Variants in PTPRN2 observed in about 807,000 individuals in gnomAD.
PTPRN2 encodes the protein receptor-type tyrosine-protein phosphatase N2.
PTPRN2 carries 74 observed loss-of-function variants against 118.8 expected under a neutral mutation model. The ratio of observed to expected loss-of-function variants is 0.62; its 90% confidence interval spans 0.52 to 0.76. The LOEUF (loss-of-function observed/expected upper bound fraction) is 0.76, where lower values mean the gene tolerates loss of function less well. PTPRN2 is among the 30% of genes least tolerant of loss of function. PTPRN2 has a pLI of 0.00. For synonymous variants in PTPRN2, 641 were observed against 608.0 expected (o/e 1.05, Z -0.80); for missense variants, 1,481 against 1,394.4 (o/e 1.06, Z -0.99).
rs1799207292 is a variant in PTPRN2, at chr7:157,929,033, C to T, written c.1724-30296G>A. Among the ~76,000 whole-genome samples, 1 of 152,126 alleles carries T rather than the reference C, an allele frequency of 6.6e-6. No individual in the cohort carries two copies. Among genetic ancestry groups the T allele is most frequent in the African/African-American group, 2.4e-5 (1 of 41,412 alleles). The stretch of plus-strand genomic sequence containing the variant: ...CATGGAGATGGTTTAACCTCACATG[C>T]CCACTTTAGAGGCAGGAGAGTGGGG... On this transcript the variant is annotated intron_variant, in intron 11 of 22. Coordinates refer to ENST00000389418, the MANE Select transcript of PTPRN2 (RefSeq NM_002847.5). This position sits in a 1 kb window ranked among gnomAD's most constrained non-coding sequence, Gnocchi z 4.4.
At chr7:157,999,632 C>T (rs1307184847) in intron 11 of PTPRN2, among the ~76,000 whole-genome samples, 2 of 152,062 alleles carry the variant, frequency 1.3e-5, no homozygotes, top group African/African-American at 4.8e-5. Context: ...CTCGTCCACA[C>T]GACGAGACCA....
chr7:157,801,454 C>G lies in PTPRN2; in HGVS notation c.1788+97219G>C, dbSNP rs963502280. Among the ~76,000 whole-genome samples, 1 of 152,030 alleles carries G rather than the reference C, an allele frequency of 6.6e-6. No individual in the cohort carries two copies. The highest frequency in any genetic ancestry group is 6.6e-5 in the Admixed American group (1 of 15,252). ...CAGGTGCGGGGGATATTATCCTCCC[C>G]GTGAGAGCAGCTGCATGGATTTTTT... On this transcript the variant is annotated intron_variant, in intron 12 of 22. Coordinates refer to ENST00000389418, the MANE Select transcript of PTPRN2 (RefSeq NM_002847.5). The surrounding 1 kb of genome is among the most constrained non-coding windows in gnomAD (Gnocchi z 4.2).
At chr7:158,128,790 C>A (rs1817909059) in intron 9 of PTPRN2, among the ~76,000 whole-genome samples, 1 of 152,140 alleles carries the variant, frequency 6.6e-6, no homozygotes, top group Admixed American at 6.5e-5. Flanking sequence ...GGGGCACTCT[C>A]CTACCCCGGG....
intron 2 of PTPRN2, among the ~76,000 whole-genome samples, chr7:158,442,034 A>G (rs1421325710): frequency 1.7e-5 from 2 of 120,638 alleles, no homozygotes; most frequent in African/African-American, 3.2e-5. Flanking sequence ...GGTGATAGTG[A>G]TGGTGGTGAC....
chr7:158,213,523 A>T (rs1272174216), intron 3 of PTPRN2, among the ~76,000 whole-genome samples: 1 of 152,156 alleles, frequency 6.6e-6, no homozygotes, highest in Non-Finnish European at 1.5e-5. Flanking sequence ...GGAATATATC[A>T]CTTAGAGTAT....
intron 15 of PTPRN2, among the ~76,000 whole-genome samples, chr7:157,606,711 G>A (rs1256451842): frequency 6.6e-6 from 1 of 152,264 alleles, no homozygotes; most frequent in Non-Finnish European, 1.5e-5. Flanking sequence ...ATGGAGCAGT[G>A]TGGTGGTGGT....
intron 12 of PTPRN2, among the ~76,000 whole-genome samples, chr7:157,895,793 A>G (rs1401820988): frequency 2.6e-5 from 4 of 152,008 alleles, no homozygotes; most frequent in Non-Finnish European, 4.4e-5. Context: ...CGTGATGGGA[A>G]TGAGAGTGAA....
chr7:158,487,483 G>GT (rs1476444732), intron 2 of PTPRN2, among the ~76,000 whole-genome samples: 1 of 152,108 alleles, frequency 6.6e-6, no homozygotes, highest in African/African-American at 2.4e-5. Flanking sequence ...GTGTGAGGTG[G>GT]TATGTTTATC....
rs556272936 is a variant in PTPRN2 at position 157,611,749 on chromosome 7, G to A, written c.2345-7674C>T. On this transcript the variant is annotated intron_variant, in intron 15 of 22. Coordinates refer to ENST00000389418, the MANE Select transcript of PTPRN2 (RefSeq NM_002847.5). This position sits in a 1 kb window ranked among gnomAD's most constrained non-coding sequence, Gnocchi z 5.9. ...TGCTGGGGACACGCGGAGGGAGCGC[G>A]CCCGTGTGAAGACGAAGACAGCCGC... 4.7e-5 allele frequency among the ~76,000 whole-genome samples: 7 copies of A among 149,434 alleles called. No individual in the cohort carries two copies. Among genetic ancestry groups the A allele is most frequent in the African/African-American group, 9.9e-5 (4 of 40,562 alleles).
In PTPRN2 at chr7:158,509,637, T is replaced by C. The variant is rs58953853; in HGVS notation, c.113-19852A>G. Among the ~76,000 whole-genome samples, 9,080 of 152,292 alleles carry C rather than the reference T, an allele frequency of 0.06. 887 individuals are homozygous for C. Among genetic ancestry groups the C allele is most frequent in the African/African-American group, 0.2 (8,377 of 41,544 alleles). ...TTTGTTCCGGGATCCCCCAGCCTCA[T>C]TTCCATCTCTGTCATGGGCTCTACT... On this transcript the variant is annotated intron_variant, in intron 1 of 22. Transcript: ENST00000389418. The surrounding 1 kb of genome is among the most constrained non-coding windows in gnomAD (Gnocchi z 4.4).
In PTPRN2 at chr7:157,539,056, T is replaced by C. The variant is rs1797894802; in HGVS notation, c.*1658A>G. The C allele has an allele frequency of 6.6e-6, 1 of 152,214 alleles. No individual in the cohort carries two copies. The highest frequency in any genetic ancestry group is 2.1e-4 in the South Asian group (1 of 4,828). The allele number at this position is 152,214 out of a possible 1,614,324, so 9.4% of individuals were successfully genotyped here. A position where few individuals can be genotyped will look rare whatever the true frequency, so the allele number is the denominator to read the frequency against. On this transcript the variant is annotated 3_prime_UTR_variant, in exon 23 of 23. Transcript: ENST00000389418. The stretch of plus-strand genomic sequence containing the variant: ...CCTCCCCAAATAAAGACCACCTGAA[T>C]GTGAAATCAGAAGTTTAATATGACA...
chr7:158,151,748 T>C (rs773383123), intron 6 of PTPRN2, among the ~76,000 whole-genome samples: 1 of 152,260 alleles, frequency 6.6e-6, no homozygotes, highest in Admixed American at 6.5e-5. Context: ...TTTCCTTCCT[T>C]CCTGCCACAA....
rs537442919 is a variant in PTPRN2, at chr7:157,784,736, C to T, written c.1789-101799G>A. Among the ~76,000 whole-genome samples the T allele has an allele frequency of 1.3e-5, 2 of 151,956 alleles. No homozygotes were observed. The highest frequency in any genetic ancestry group is 2.4e-5 in the African/African-American group (1 of 41,384). The stretch of plus-strand genomic sequence containing the variant: ...ATCCCGTGGCAGTGCAAACCGAGGG[C>T]CCCCTGGGTCTCGACATTTCACCGC... On this transcript the variant is annotated intron_variant, in intron 12 of 22. Transcript: ENST00000389418. The surrounding 1 kb of genome is among the most constrained non-coding windows in gnomAD (Gnocchi z 4.6).
Position 157,637,067 on chromosome 7 carries a change from A to G in PTPRN2, c.2197-15558T>C, listed in dbSNP as rs141592510. 1.3e-3 allele frequency among the ~76,000 whole-genome samples: 201 copies of G among 152,374 alleles called. 1 individual carries two copies. The highest frequency in any genetic ancestry group is 4.6e-3 in the African/African-American group (190 of 41,590). On this transcript the variant is annotated intron_variant, in intron 14 of 22. Transcript: ENST00000389418. ...ATGTATTTGCAAATATTTGTTCTAC[A>G]ACATTTTTTTATTAATATAAATCAA... is the stretch of plus-strand genomic sequence containing the variant.
intron 12 of PTPRN2, among the ~76,000 whole-genome samples, chr7:157,767,974 C>T (rs930283771): frequency 4.5e-4 from 69 of 152,322 alleles, no homozygotes; most frequent in African/African-American, 1.5e-3. Context: ...CTTCCATACA[C>T]GATTCCTGCT....
intron 3 of PTPRN2, among the ~76,000 whole-genome samples, chr7:158,247,980 G>A (rs931991990): frequency 6.6e-6 from 1 of 152,104 alleles, no homozygotes; most frequent in Non-Finnish European, 1.5e-5. Context: ...GCGGGAGGGG[G>A]AGGCCTTTAT....
chr7:158,165,776 G>A (rs150332489), intron 6 of PTPRN2, among the ~76,000 whole-genome samples: 136 of 152,334 alleles, frequency 8.9e-4, no homozygotes, highest in African/African-American at 3.0e-3. Context: ...TAAATGGGTC[G>A]GAACCTTCTC....
At chr7:157,905,028 G>A (rs1797694546) in intron 11 of PTPRN2, among the ~76,000 whole-genome samples, 1 of 152,180 alleles carries the variant, frequency 6.6e-6, no homozygotes, top group Non-Finnish European at 1.5e-5. Context: ...ATGGCCGCGT[G>A]GATTCCCTTT....
intron 13 of PTPRN2, among the ~76,000 whole-genome samples, chr7:157,678,351 T>C (rs371820318): frequency 2.6e-5 from 4 of 152,362 alleles, no homozygotes; most frequent in East Asian, 3.9e-4. Context: ...TGTTTTCCAA[T>C]TTAATTGTGA....
Sources: gnomAD v4.1 joint callset for allele counts (sites outside exome capture counted in the v4.1 genomes callset) on GRCh38, gnomAD v4.1.1 for gene constraint, Gnocchi (gnomAD v3.1) non-coding constraint, MANE v1.5 for transcripts, NCBI Gene and HGNC (gene_info 2026-07-23, HGNC 2026-07-21) for gene names.